Variants in ROBO1 observed in about 807,000 individuals in gnomAD.
The protein encoded by ROBO1 is roundabout guidance receptor 1.
A neutral mutation model predicts 195.9 loss-of-function variants in ROBO1; 149 were observed. That is an observed-to-expected ratio of 0.76 (90% CI 0.67 to 0.87). ROBO1 has a LOEUF of 0.87. ROBO1 is among the 40% of genes least tolerant of loss of function. ROBO1 has a pLI of 0.00. For synonymous variants in ROBO1, 816 were observed against 733.2 expected, an observed-to-expected ratio of 1.11 and a Z score of -1.82; for missense variants, 1,933 against 2,068.3, an observed-to-expected ratio of 0.93 and a Z score of 1.27.
chr3:78,824,902 G>A lies in ROBO1; in HGVS notation c.500-78002C>T, dbSNP rs762145868. Among the ~76,000 whole-genome samples the A allele has an allele frequency of 5.9e-5, 9 of 152,100 alleles. No homozygotes were observed. The East Asian group carries it at 1.5e-3, about 26-fold the overall frequency. On this transcript the variant is annotated intron_variant, in intron 4 of 30. Transcript: ENST00000464233. Reference sequence around the variant, plus strand: ...TCTCTCCTTTTTGTTCTGCTTCTGCGCCTACTGTCCGTTACTTTCTTTCCA... The same window carrying A: ...TCTCTCCTTTTTGTTCTGCTTCTGCACCTACTGTCCGTTACTTTCTTTCCA...
At chr3:79,288,904 C>A (rs1435414500) in intron 2 of ROBO1, among the ~76,000 whole-genome samples, 2 of 151,860 alleles carry the variant, frequency 1.3e-5, no homozygotes, top group Non-Finnish European at 2.9e-5. Flanking sequence ...CTTATTAAGC[C>A]CCCAAAATAA....
At chr3:79,434,453 G>C in intron 2 of ROBO1, among the ~76,000 whole-genome samples, 1 of 152,014 alleles carries the variant, frequency 6.6e-6, no homozygotes, top group Non-Finnish European at 1.5e-5. Flanking sequence ...GCAGCCAACA[G>C]ACACATGAAA....
intron 4 of ROBO1, among the ~76,000 whole-genome samples, chr3:78,936,304 C>G (rs1228292277): frequency 6.6e-6 from 1 of 151,926 alleles, no homozygotes; most frequent in Non-Finnish European, 1.5e-5. Context: ...AAATAAAACA[C>G]ATGAAAATGT....
rs72893978 is a variant in ROBO1 at position 79,666,098 on chromosome 3, C to T, written c.-50-76137G>A. Among the ~76,000 whole-genome samples the T allele has an allele frequency of 7.5e-3, 1,135 of 152,024 alleles. 13 individuals carry two copies. The highest frequency in any genetic ancestry group is 0.026 in the African/African-American group (1,073 of 41,502). On this transcript the variant is annotated intron_variant, in intron 1 of 30. Transcript: ENST00000464233. ...TTTTTGAATAAAAGTGACCCAATTT[C>T]ATAGAGATATATTTAGAAATTGCCA... is the stretch of plus-strand genomic sequence containing the variant.
intron 3 of ROBO1, among the ~76,000 whole-genome samples, chr3:79,064,832 C>T (rs931295784): frequency 6.6e-6 from 1 of 151,886 alleles, no homozygotes; most frequent in Non-Finnish European, 1.5e-5. Flanking sequence ...CTCACTCCAC[C>T]ACAGAAACAC....
intron 2 of ROBO1, among the ~76,000 whole-genome samples, chr3:79,234,145 C>G (rs1181774581): frequency 6.6e-6 from 1 of 152,030 alleles, no homozygotes; most frequent in Admixed American, 6.6e-5. Flanking sequence ...TGTCTGTTTA[C>G]TCTGTTAATA....
chr3:79,134,306 A>G (rs2080355759), intron 2 of ROBO1, among the ~76,000 whole-genome samples: 2 of 130,928 alleles, frequency 1.5e-5, no homozygotes, highest in African/African-American at 2.9e-5. Context: ...ATTACTGGCC[A>G]TCAGAGAAAT....
intron 3 of ROBO1, among the ~76,000 whole-genome samples, chr3:78,947,703 A>G (rs1396885917): frequency 1.3e-5 from 2 of 152,220 alleles, no homozygotes; most frequent in Non-Finnish European, 2.9e-5. Flanking sequence ...TAGAGACAAT[A>G]AAACCCTTCA....
At chr3:79,599,795 T>C (rs2107859861) in intron 1 of ROBO1, among the ~76,000 whole-genome samples, 1 of 152,124 alleles carries the variant, frequency 6.6e-6, no homozygotes, top group Non-Finnish European at 1.5e-5. Context: ...CTGACTTGCT[T>C]AAAAAATATT....
At chr3:79,150,698 T>C (rs1003990593) in intron 2 of ROBO1, among the ~76,000 whole-genome samples, 1 of 151,878 alleles carries the variant, frequency 6.6e-6, no homozygotes, top group Non-Finnish European at 1.5e-5. Context: ...ATTTGCATTC[T>C]ATTTCAGAAA....
At chr3:78,990,764 C>T (rs2108054796) in intron 3 of ROBO1, among the ~76,000 whole-genome samples, 1 of 152,210 alleles carries the variant, frequency 6.6e-6, no homozygotes, top group East Asian at 1.9e-4. Flanking sequence ...ACATACCAGG[C>T]TATTTTCAGT....
intron 28 of ROBO1, among the ~76,000 whole-genome samples, chr3:78,608,789 C>T (rs1333835664): frequency 1.3e-5 from 2 of 151,578 alleles, no homozygotes; most frequent in Non-Finnish European, 2.9e-5. Flanking sequence ...AAATACAGTA[C>T]AGGGGTGGGG....
At chr3:79,540,155 T>G (rs1158221410) in intron 2 of ROBO1, among the ~76,000 whole-genome samples, 1 of 152,048 alleles carries the variant, frequency 6.6e-6, no homozygotes, top group East Asian at 1.9e-4. Flanking sequence ...AAAAGGTTAT[T>G]GTAATAGAGC....
intron 2 of ROBO1, among the ~76,000 whole-genome samples, chr3:79,573,762 T>C (rs937155165): frequency 1.1e-4 from 16 of 152,194 alleles, no homozygotes; most frequent in African/African-American, 3.9e-4. Context: ...GTCACTTCAT[T>C]AAAATTACCT....
chr3:79,590,031 T>A, intron 1 of ROBO1, 70 bp from the exon 2 acceptor site: 1 of 638,556 alleles, frequency 1.6e-6, no homozygotes, highest in Non-Finnish European at 2.7e-6. Flanking sequence ...TTGTGAAACA[T>A]TGCAGTTCAA....
At chr3:79,152,984 A>G (rs565514650) in intron 2 of ROBO1, among the ~76,000 whole-genome samples, 1 of 151,770 alleles carries the variant, frequency 6.6e-6, no homozygotes, top group African/African-American at 2.4e-5. Context: ...AAGAGGTTCA[A>G]GTCTGGCAAA....
chr3:78,938,978 T>G (rs2039974592), intron 3 of ROBO1, 51 bp from the exon 4 acceptor site: 1 of 1,466,940 alleles, frequency 6.8e-7, no homozygotes, highest in South Asian at 1.3e-5. Context: ...AAACAGTTAA[T>G]CGCTTATTTT....
chr3:78,798,319 T>G (rs2084248389), intron 4 of ROBO1, among the ~76,000 whole-genome samples: 1 of 152,196 alleles, frequency 6.6e-6, no homozygotes, highest in African/African-American at 2.4e-5. Flanking sequence ...ATATAATATT[T>G]TCACTGAAGT....
chr3:78,695,650 A>G (rs981853511), intron 8 of ROBO1, among the ~76,000 whole-genome samples: 11 of 151,416 alleles, frequency 7.3e-5, no homozygotes, highest in African/African-American at 2.7e-4. Flanking sequence ...AAAAGAAAAG[A>G]AAACAGAAAA....
Sources: allele counts gnomAD v4.1 joint callset (sites outside exome capture counted in the v4.1 genomes callset), GRCh38; gene constraint gnomAD v4.1.1; transcripts MANE v1.5; gene names NCBI Gene and HGNC (gene_info 2026-07-23, HGNC 2026-07-21).